Variants in PMPCB observed in about 807,000 individuals in gnomAD.
The protein encoded by PMPCB is peptidase, mitochondrial processing subunit beta.
In PMPCB, 46 loss-of-function variants were observed where a neutral mutation model predicts 61.5. That is an observed-to-expected ratio of 0.75 (90% CI 0.59 to 0.96). The LOEUF is 0.96. PMPCB is among the 40% of genes least tolerant of loss of function. The probability of loss-of-function intolerance (pLI) is 0.00; values close to 1 mark genes in which losing one functional copy is unlikely to be tolerated. For synonymous variants in PMPCB, 191 were observed against 201.6 expected, an observed-to-expected ratio of 0.95 and a Z score of 0.44; for missense variants, 590 against 602.4, an observed-to-expected ratio of 0.98 and a Z score of 0.22.
At chr7:103,327,718 C>A (rs772075436) in intron 12 of PMPCB, 1 of 1,613,290 alleles carries the variant, frequency 6.2e-7, no homozygotes, top group Non-Finnish European at 8.5e-7. Context: ...AGCTGCTTTC[C>A]GTTTGTCTGG....
intron 11 of PMPCB, 78 bp downstream of exon 11, chr7:103,311,974 C>A: frequency 6.5e-7 from 1 of 1,528,060 alleles, no homozygotes; most frequent in Non-Finnish European, 9.0e-7. Context: ...TATCTTTCAT[C>A]TTGCTTTAGT....
chr7:103,318,755 C>G (rs1818214523), downstream of PMPCB, among the ~76,000 whole-genome samples: 1 of 152,150 alleles, frequency 6.6e-6, no homozygotes, highest in Admixed American at 6.5e-5. Context: ...TTGGTTCTAA[C>G]TGTTATTACC....
chr7:103,297,800 C>G (rs899171839), intron 1 of PMPCB: 1 of 1,527,898 alleles, frequency 6.5e-7, no homozygotes. Context: ...CTCCCGCCAG[C>G]TACTGAGGAG....
In PMPCB at chr7:103,311,796, C is replaced by T. The variant is rs1247376009; in HGVS notation, c.1241-12C>T. 12 of 1,607,746 alleles carry T rather than the reference C, an allele frequency of 7.5e-6. No homozygotes were observed. The highest frequency in any genetic ancestry group is 1.1e-5 in the South Asian group (1 of 90,682). On this transcript the variant is annotated splice_polypyrimidine_tract_variant and intron_variant, in intron 10 of 12. Coordinates refer to ENST00000249269, the MANE Select transcript of PMPCB (RefSeq NM_004279.3). Reference sequence around the variant, plus strand: ...GTATTCCAATAGTTAATTTTTCCTTCTCTTTAAACAGGTTCAACTCCAATT... The same window carrying T: ...GTATTCCAATAGTTAATTTTTCCTTTTCTTTAAACAGGTTCAACTCCAATT...
downstream of PMPCB, among the ~76,000 whole-genome samples, chr7:103,331,782 T>C (rs554364116): frequency 6.6e-6 from 1 of 152,326 alleles, no homozygotes; most frequent in South Asian, 2.1e-4. Context: ...ATTCCTTATC[T>C]TTGTTATTAT....
chr7:103,325,377 C>T (rs769030607), intron 12 of PMPCB, among the ~76,000 whole-genome samples: 14 of 151,140 alleles, frequency 9.3e-5, no homozygotes, highest in African/African-American at 1.5e-4. Flanking sequence ...GCAGAGGTTG[C>T]GGTGAGCCGA....
Position 103,314,015 on chromosome 7 carries a change from TAAA to T in PMPCB, c.*1745_*1747del. The T allele has an allele frequency of 4.1e-6, 4 of 985,290 alleles. No individual in the cohort carries two copies. Among genetic ancestry groups the T allele is most frequent in the South Asian group, 4.7e-5 (1 of 21,274 alleles). The allele number at this position is 985,290 out of a possible 1,614,324, so 61.0% of individuals were successfully genotyped here. ...CTAGAAACCAAAGTTCCTTCCCAAT[TAAA>T]GAAGGAAAAACAAAACAAAACAAAA... On this transcript the variant is annotated 3_prime_UTR_variant, in exon 13 of 13. Transcript: ENST00000249269.
exon 13 of PMPCB, chr7:103,329,122 G>A (rs1384655075): frequency 1.2e-5 from 5 of 434,496 alleles, no homozygotes; most frequent in Non-Finnish European, 1.9e-5. Flanking sequence ...ACTGGAAAAA[G>A]GAGGGGCTGT....
chr7:103,315,027 C>T (rs1265500337), downstream of PMPCB, among the ~76,000 whole-genome samples: 2 of 152,066 alleles, frequency 1.3e-5, no homozygotes, highest in Non-Finnish European at 1.5e-5. Context: ...ACAAGTATAC[C>T]CACCCATATA....
chr7:103,303,184 G>A (rs576456862), intron 4 of PMPCB, among the ~76,000 whole-genome samples: 27 of 152,236 alleles, frequency 1.8e-4, no homozygotes, highest in African/African-American at 6.3e-4. Flanking sequence ...TGGTGCAATC[G>A]CAGCTCACTG....
intron 12 of PMPCB, chr7:103,323,709 A>G (rs1159424216): frequency 7.7e-7 from 1 of 1,290,590 alleles, no homozygotes; most frequent in East Asian, 2.8e-5. Flanking sequence ...AATAAATGAA[A>G]AAAAATTCTT....
chr7:103,339,691 T>C, the PMPCB span, among the ~76,000 whole-genome samples: 1 of 151,702 alleles, frequency 6.6e-6, no homozygotes, highest in African/African-American at 2.4e-5. Context: ...AATCTCCACC[T>C]CCCAGGTTCA....
Position 103,314,351 on chromosome 7 carries a change from T to C in PMPCB, c.*2080T>C. On this transcript the variant is annotated 3_prime_UTR_variant, in exon 13 of 13. Transcript: ENST00000249269. ...CAAAAAATGGTGCCAGCTTGCTGTT[T>C]AATGGTACAACTGAAGAGGAAGGAG... 1 of 985,428 alleles carries C rather than the reference T, an allele frequency of 1.0e-6. No homozygotes were observed. Among genetic ancestry groups the C allele is most frequent in the Non-Finnish European group, 1.2e-6 (1 of 829,912 alleles). 61.0% of individuals were successfully genotyped at this position (985,428 alleles called of 1,614,324 possible).
At chr7:103,309,900 C>T (rs1321372222) in intron 8 of PMPCB, among the ~76,000 whole-genome samples, 1 of 152,168 alleles carries the variant, frequency 6.6e-6, no homozygotes, top group Non-Finnish European at 1.5e-5. Context: ...GGAATTATTT[C>T]AAAACACATT....
chr7:103,333,557 C>A (rs1819053331), downstream of PMPCB, among the ~76,000 whole-genome samples: 1 of 152,210 alleles, frequency 6.6e-6, no homozygotes, highest in South Asian at 2.1e-4. Flanking sequence ...TCATTAAGTT[C>A]AGTGAGTTCT....
the PMPCB span, chr7:103,344,658 T>C: frequency 6.2e-7 from 1 of 1,600,848 alleles, no homozygotes; most frequent in Non-Finnish European, 8.5e-7. Context: ...GCGCAGCGGC[T>C]CACGTCCCGG....
the PMPCB span, among the ~76,000 whole-genome samples, chr7:103,338,833 C>T: frequency 6.6e-6 from 1 of 152,044 alleles, no homozygotes; most frequent in Admixed American, 6.5e-5. Flanking sequence ...TTGCTTGAAC[C>T]TGGGAGGCGG....
chr7:103,334,366 A>AACCTG (rs369383341), downstream of PMPCB, among the ~76,000 whole-genome samples: 573 of 151,838 alleles, frequency 3.8e-3, 4 homozygotes, highest in African/African-American at 0.014. Flanking sequence ...GTTCGAGACC[A>AACCTG]GCCTGGTCAA....
At chr7:103,308,279 G>A (rs1276365081) in intron 7 of PMPCB, among the ~76,000 whole-genome samples, 4 of 152,172 alleles carry the variant, frequency 2.6e-5, no homozygotes, top group Non-Finnish European at 5.9e-5. Context: ...CTGTAGCATT[G>A]GCAGTACAAA....
Sources: allele counts gnomAD v4.1 joint callset (sites outside exome capture counted in the v4.1 genomes callset), GRCh38; gene constraint gnomAD v4.1.1; transcripts MANE v1.5; gene names NCBI Gene and HGNC (gene_info 2026-07-23, HGNC 2026-07-21).